The following CAPZB variants were observed in gnomAD, a reference collection of about 807,000 sequenced individuals.
CAPZB encodes F-actin-capping protein subunit beta.
Under a neutral mutation model 38.1 loss-of-function variants are expected in CAPZB, and 2 were observed. That is an observed-to-expected ratio of 0.05 (90% confidence interval 0.02 to 0.17). CAPZB has a LOEUF of 0.17. CAPZB is among the 10% of genes least tolerant of loss of function. The pLI is 1.00. For missense variants in CAPZB, 161 were observed against 334.2 expected, an observed-to-expected ratio of 0.48 and a Z score of 4.04; for synonymous variants, 107 against 127.4, an observed-to-expected ratio of 0.84 and a Z score of 1.08.
chr1:19,473,504 AG>A (rs2094596703), intron 1 of CAPZB, among the ~76,000 whole-genome samples: 1 of 152,222 alleles, frequency 6.6e-6, no homozygotes. Flanking sequence ...CCTGAAAGTC[AG>A]GATCTGTCCT....
chr1:19,414,800 T>C (rs2094372131), intron 2 of CAPZB, among the ~76,000 whole-genome samples: 1 of 152,184 alleles, frequency 6.6e-6, no homozygotes, highest in African/African-American at 2.4e-5. Flanking sequence ...CATCATATGA[T>C]TCTTGGCCCT....
chr1:19,397,728 G>T (rs1331646125), intron 2 of CAPZB, among the ~76,000 whole-genome samples: 1 of 152,218 alleles, frequency 6.6e-6, no homozygotes, highest in African/African-American at 2.4e-5. Context: ...CCTGGCCTCA[G>T]GCTTTATAAA....
rs182176537 is a variant in CAPZB at position 19,480,507 on chromosome 1, G to T, written c.3+4929C>A. On this transcript the variant is annotated intron_variant, in intron 1 of 8. Transcript: ENST00000264202. ...TCAGCTCTCACTCAGTGTTTATGTA[G>T]CTGGCGCTAAGTGCCAGGCGGCCAG... 3.3e-5 allele frequency among the ~76,000 whole-genome samples: 5 copies of T among 152,316 alleles called. No homozygotes were observed. In the East Asian group the frequency reaches 9.6e-4, roughly 29 times the overall value.
intron 6 of CAPZB, among the ~76,000 whole-genome samples, chr1:19,347,726 C>G (rs2093969748): frequency 6.6e-6 from 1 of 152,168 alleles, no homozygotes; most frequent in Non-Finnish European, 1.5e-5. Flanking sequence ...ACCCGGAAAC[C>G]TGGGCTAGCT....
intron 3 of CAPZB, among the ~76,000 whole-genome samples, chr1:19,378,943 G>A (rs889232836): frequency 1.3e-5 from 2 of 152,174 alleles, no homozygotes; most frequent in Non-Finnish European, 2.9e-5. Flanking sequence ...GTAAAATGCG[G>A]CTGCTACTTG....
intron 1 of CAPZB, among the ~76,000 whole-genome samples, chr1:19,466,149 G>A (rs1365327984): frequency 6.6e-6 from 1 of 152,160 alleles, no homozygotes; most frequent in African/African-American, 2.4e-5. Context: ...GCTGAGGTGT[G>A]GTGGGTGGAG....
At chr1:19,342,647 T>G (rs2093936615) in intron 8 of CAPZB, 2 of 715,386 alleles carry the variant, frequency 2.8e-6, no homozygotes. Flanking sequence ...TGGGGGTTAG[T>G]GGTGGTTTAA....
chr1:19,343,101 C>T (rs1011381540), intron 8 of CAPZB, among the ~76,000 whole-genome samples: 1 of 152,178 alleles, frequency 6.6e-6, no homozygotes, highest in African/African-American at 2.4e-5. Context: ...TTCTCTCCCC[C>T]ACTTCCCAGC....
intron 6 of CAPZB, among the ~76,000 whole-genome samples, chr1:19,352,175 T>C (rs1378547730): frequency 6.6e-6 from 1 of 152,176 alleles, no homozygotes; most frequent in Non-Finnish European, 1.5e-5. Flanking sequence ...GTGACAAAAA[T>C]ATACTGCCTG....
rs763380855 is a variant in CAPZB at position 19,357,394 on chromosome 1, C to T, written c.471+28G>A. 3.3e-5 allele frequency: 53 copies of T among 1,611,394 alleles called. No individual in the cohort carries two copies. Among genetic ancestry groups the T allele is most frequent in the Middle Eastern group, 3.7e-4 (2 of 5,334 alleles). On this transcript the variant is annotated intron_variant, in intron 5 of 8. Coordinates refer to ENST00000264202, the MANE Select transcript of CAPZB (RefSeq NM_004930.5). The surrounding 1 kb of genome is among the most constrained non-coding windows in gnomAD (Gnocchi z 4.3). Reference sequence around the variant, plus strand: ...GGTGTGCCATCTGTACTTAGTGGCCCGGGCCACCAGCTGCTGGGAGGCAGT... The same window carrying T: ...GGTGTGCCATCTGTACTTAGTGGCCTGGGCCACCAGCTGCTGGGAGGCAGT...
intron 1 of CAPZB, among the ~76,000 whole-genome samples, 180 bp downstream of exon 1, chr1:19,485,256 A>G (rs2094647144): frequency 6.6e-6 from 1 of 151,934 alleles, no homozygotes; most frequent in Admixed American, 6.5e-5. Flanking sequence ...CTGCCACCCA[A>G]GTCGTCCGCG....
At chr1:19,459,019 ACC>A (rs2094542054) in intron 1 of CAPZB, among the ~76,000 whole-genome samples, 2 of 152,176 alleles carry the variant, frequency 1.3e-5, no homozygotes, top group African/African-American at 4.8e-5. Flanking sequence ...TTGGCAGGAG[ACC>A]GTTGGCAGGA....
rs767798855 is a variant in CAPZB at position 19,344,449 on chromosome 1, G to A, written c.655-15C>T. 4.4e-5 allele frequency: 71 copies of A among 1,609,198 alleles called. No individual in the cohort carries two copies. The South Asian group carries it at 6.5e-4, about 15-fold the overall frequency. On this transcript the variant is annotated splice_polypyrimidine_tract_variant and intron_variant, in intron 7 of 8. Coordinates refer to ENST00000264202, the MANE Select transcript of CAPZB (RefSeq NM_004930.5). ...TTTTCCATGTCCTGGAAGGGAGGTCGGTCAGCGCAGTGGCAAAAGGTCAGG... is the reference window on the plus strand; with the variant it reads ...TTTTCCATGTCCTGGAAGGGAGGTCAGTCAGCGCAGTGGCAAAAGGTCAGG...
chr1:19,344,179 T>C (rs975635269), intron 8 of CAPZB, among the ~76,000 whole-genome samples, 179 bp downstream of exon 8: 1 of 151,900 alleles, frequency 6.6e-6, no homozygotes, highest in African/African-American at 2.4e-5. Context: ...CTACGGAGAG[T>C]GCAGATGACA....
At chr1:19,405,541 C>CAAAAAAAAAAAAAAA (rs10577923) in intron 2 of CAPZB, among the ~76,000 whole-genome samples, 1 of 96,516 alleles carries the variant, frequency 1.0e-5, no homozygotes, top group African/African-American at 4.5e-5. Flanking sequence ...TAGAAAGAGG[C>CAAAAAAAAAAAAAAA]AAAAAAAAAA....
chr1:19,361,562 C>T (rs1034162302), intron 4 of CAPZB, among the ~76,000 whole-genome samples: 1 of 152,246 alleles, frequency 6.6e-6, no homozygotes, highest in Non-Finnish European at 1.5e-5. Context: ...ACAGCGCCCC[C>T]GCTACATGGT....
chr1:19,446,578 C>T (rs774539321), intron 1 of CAPZB, among the ~76,000 whole-genome samples: 2 of 152,178 alleles, frequency 1.3e-5, no homozygotes, highest in Non-Finnish European at 2.9e-5. Flanking sequence ...TGAAACCACT[C>T]AAGCTGATGA....
intron 2 of CAPZB, among the ~76,000 whole-genome samples, chr1:19,402,878 T>C (rs546729289): frequency 6.6e-6 from 1 of 152,112 alleles, no homozygotes; most frequent in South Asian, 2.1e-4. Context: ...TGAAACTCCA[T>C]CTCTACTAAA....
chr1:19,409,661 C>T (rs935691823), intron 2 of CAPZB, among the ~76,000 whole-genome samples: 2 of 152,218 alleles, frequency 1.3e-5, no homozygotes, highest in East Asian at 1.9e-4. Flanking sequence ...GGAGGCCCTG[C>T]TTCTTCATCT....
Sources: gnomAD v4.1 joint callset for allele counts (sites outside exome capture counted in the v4.1 genomes callset) on GRCh38, gnomAD v4.1.1 for gene constraint, Gnocchi (gnomAD v3.1) non-coding constraint, MANE v1.5 for transcripts, NCBI Gene and HGNC (gene_info 2026-07-23, HGNC 2026-07-21) for gene names.